Variants in RNLS observed in about 807,000 individuals in gnomAD.
RNLS encodes the protein renalase, FAD dependent amine oxidase.
RNLS carries 39 observed loss-of-function variants against 39.8 expected under a neutral mutation model. The observed-to-expected ratio is 0.98, with a 90% CI of 0.76 to 1.28. RNLS has a LOEUF of 1.28. RNLS is among the 50% of genes most tolerant of loss of function. The pLI, the probability that RNLS is intolerant of heterozygous loss-of-function variation, is 0.00. For missense variants in RNLS, 410 were observed against 413.3 expected (o/e 0.99, Z 0.07); for synonymous variants, 147 against 150.7 (o/e 0.98, Z 0.18).
the RNLS span, among the ~76,000 whole-genome samples, chr10:88,246,086 G>C: frequency 2.6e-5 from 4 of 152,202 alleles, no homozygotes; most frequent in African/African-American, 9.7e-5. Context: ...TCTGTGCAGT[G>C]GCAGGCAGAT....
chr10:88,536,314 C>T (rs774761008), intron 4 of RNLS, among the ~76,000 whole-genome samples: 2 of 152,130 alleles, frequency 1.3e-5, no homozygotes, highest in Non-Finnish European at 2.9e-5. Flanking sequence ...AAAAAGCAAC[C>T]GTCAATTCTC....
chr10:88,532,920 A>G (rs910835566), intron 4 of RNLS, among the ~76,000 whole-genome samples: 1 of 152,092 alleles, frequency 6.6e-6, no homozygotes, highest in East Asian at 1.9e-4. Context: ...AAATGAAATA[A>G]TAAGAAGGTG....
chr10:88,275,102 A>G (rs933386480), intron 6 of RNLS: 22 of 1,116,826 alleles, frequency 2.0e-5, no homozygotes, highest in African/African-American at 3.1e-5. Context: ...CCTTGTCTAC[A>G]CTAATAGTGG....
chr10:88,500,285 G>A (rs538907412), intron 4 of RNLS, among the ~76,000 whole-genome samples: 1 of 152,242 alleles, frequency 6.6e-6, no homozygotes, highest in Non-Finnish European at 1.5e-5. Context: ...TCCACAGGAG[G>A]TATTCAGGAG....
intron 4 of RNLS, among the ~76,000 whole-genome samples, chr10:88,564,040 T>C (rs1158548583): frequency 1.3e-5 from 2 of 152,188 alleles, no homozygotes; most frequent in Non-Finnish European, 2.9e-5. Context: ...TCTGCATCTA[T>C]TGGCATTGTA....
intron 4 of RNLS, among the ~76,000 whole-genome samples, chr10:88,383,739 T>C (rs1023857198): frequency 2.6e-5 from 4 of 152,204 alleles, no homozygotes; most frequent in Non-Finnish European, 5.9e-5. Context: ...TAGAATTCTT[T>C]AAGTGCTTTT....
At chr10:88,434,688 A>ATACATAT (rs1855355417) in intron 4 of RNLS, among the ~76,000 whole-genome samples, 2 of 152,266 alleles carry the variant, frequency 1.3e-5, no homozygotes, top group South Asian at 4.1e-4. Flanking sequence ...AAAAATCAGA[A>ATACATAT]TACATATTAT....
the RNLS span, among the ~76,000 whole-genome samples, chr10:88,203,058 C>T: frequency 6.6e-6 from 1 of 151,594 alleles, no homozygotes; most frequent in African/African-American, 2.4e-5. Context: ...CTACATTTGC[C>T]CTAGTCCTAC....
At chr10:88,208,574 T>G in the RNLS span, among the ~76,000 whole-genome samples, 2 of 152,112 alleles carry the variant, frequency 1.3e-5, no homozygotes, top group Non-Finnish European at 2.9e-5. Flanking sequence ...CTATGGGAAG[T>G]TAACGTATGG....
chr10:88,308,525 GA>G (rs994417288), intron 6 of RNLS, among the ~76,000 whole-genome samples: 23 of 151,712 alleles, frequency 1.5e-4, no homozygotes, highest in Non-Finnish European at 5.9e-5. Flanking sequence ...AAATTCAGAT[GA>G]AAAAAAAGCT....
In RNLS at chr10:88,354,409, T is replaced by G. The variant is rs1848980274; in HGVS notation, c.700+8143A>C. 4.6e-5 allele frequency among the ~76,000 whole-genome samples: 7 copies of G among 152,160 alleles called. No homozygotes were observed. The South Asian group carries it at 1.5e-3, about 32-fold the overall frequency. ...TTCAGGAGCTCTTGTAGGGCAGGCCTGGTGGTGACAAAAATCTCTCAGCAT... is the reference window on the plus strand; with the variant it reads ...TTCAGGAGCTCTTGTAGGGCAGGCCGGGTGGTGACAAAAATCTCTCAGCAT... On this transcript the variant is annotated intron_variant, in intron 5 of 6. Transcript: ENST00000331772.
intron 4 of RNLS, among the ~76,000 whole-genome samples, chr10:88,393,951 C>G (rs1852383851): frequency 6.6e-6 from 1 of 152,116 alleles, no homozygotes; most frequent in South Asian, 2.1e-4. Context: ...GAAAGGATTC[C>G]CTATTTAATA....
the RNLS span, among the ~76,000 whole-genome samples, chr10:88,256,847 C>G: frequency 6.6e-6 from 1 of 152,066 alleles, no homozygotes; most frequent in Non-Finnish European, 1.5e-5. Context: ...AAGGGCCATT[C>G]ACCCTCCCTC....
chr10:88,551,091 A>G (rs1447030476), intron 4 of RNLS, among the ~76,000 whole-genome samples: 3 of 152,198 alleles, frequency 2.0e-5, no homozygotes, highest in Non-Finnish European at 4.4e-5. Context: ...TCATCAAGTG[A>G]ACCACATGGA....
At chr10:88,192,592 T>C in the RNLS span, among the ~76,000 whole-genome samples, 1 of 152,058 alleles carries the variant, frequency 6.6e-6, no homozygotes, top group Non-Finnish European at 1.5e-5. Flanking sequence ...GACTGTGGAG[T>C]TGCTTTTGTG....
the RNLS span, among the ~76,000 whole-genome samples, chr10:88,230,482 C>A: frequency 5.3e-5 from 8 of 152,096 alleles, no homozygotes; most frequent in Non-Finnish European, 8.8e-5. Context: ...CCTGCTGAGA[C>A]CCGTCTTTCT....
chr10:88,409,258 C>T (rs745891673), intron 4 of RNLS, among the ~76,000 whole-genome samples: 6 of 151,908 alleles, frequency 3.9e-5, no homozygotes, highest in African/African-American at 1.5e-4. Flanking sequence ...TTTAATTAGC[C>T]CTATTTACCA....
At chr10:88,200,319 C>T in the RNLS span, among the ~76,000 whole-genome samples, 1 of 152,218 alleles carries the variant, frequency 6.6e-6, no homozygotes, top group Non-Finnish European at 1.5e-5. Flanking sequence ...ATGCTTACTG[C>T]ACACTTAGTA....
At chr10:88,511,769 C>T (rs1352591607) in intron 4 of RNLS, among the ~76,000 whole-genome samples, 1 of 152,136 alleles carries the variant, frequency 6.6e-6, no homozygotes, top group East Asian at 1.9e-4. Context: ...AGGTCAAGTA[C>T]AATGATGGCT....
Sources: allele counts gnomAD v4.1 joint callset (sites outside exome capture counted in the v4.1 genomes callset), GRCh38; gene constraint gnomAD v4.1.1; transcripts MANE v1.5; gene names NCBI Gene and HGNC (gene_info 2026-07-23, HGNC 2026-07-21).